Variants in NRXN1 observed in about 807,000 individuals in gnomAD.
NRXN1 encodes the protein neurexin 1.
NRXN1 carries 39 observed loss-of-function variants against 150.9 expected under a neutral mutation model. The observed-to-expected ratio is 0.26, with a 90% CI of 0.20 to 0.34. The LOEUF (loss-of-function observed/expected upper bound fraction) is 0.34. Among genes scored for constraint, NRXN1 ranks in the 10% least tolerant of loss-of-function variants. The probability of loss-of-function intolerance (pLI) is 1.00; values close to 1 mark genes in which losing one functional copy is unlikely to be tolerated. For synonymous variants in NRXN1, 924 were observed against 757.0 expected, an observed-to-expected ratio of 1.22 and a Z score of -3.62; for missense variants, 1,815 against 1,949.9, an observed-to-expected ratio of 0.93 and a Z score of 1.30.
intron 17 of NRXN1, among the ~76,000 whole-genome samples, chr2:50,264,842 T>C (rs1190654895): frequency 6.6e-6 from 1 of 152,108 alleles, no homozygotes; most frequent in Non-Finnish European, 1.5e-5. Context: ...ATGAGTCTCA[T>C]ATCAAGACCA....
intron 18 of NRXN1, among the ~76,000 whole-genome samples, chr2:50,132,731 T>C (rs1705720161): frequency 6.6e-6 from 1 of 152,202 alleles, no homozygotes; most frequent in African/African-American, 2.4e-5. Context: ...ACCTTGACTT[T>C]CTTCCAGTAG....
chr2:50,134,122 C>G (rs373046301), intron 18 of NRXN1, among the ~76,000 whole-genome samples: 10 of 151,950 alleles, frequency 6.6e-5, no homozygotes, highest in Non-Finnish European at 1.3e-4. Context: ...CAAAGGACTT[C>G]AAAGTAGTCC....
chr2:50,538,993 T>G (rs984696362), intron 9 of NRXN1, among the ~76,000 whole-genome samples: 1 of 152,182 alleles, frequency 6.6e-6, no homozygotes, highest in Non-Finnish European at 1.5e-5. Context: ...CAGATTCCCC[T>G]GGGTTAGTGC....
At chr2:50,089,755 C>T (rs1317164823) in intron 19 of NRXN1, among the ~76,000 whole-genome samples, 1 of 151,078 alleles carries the variant, frequency 6.6e-6, no homozygotes, top group Non-Finnish European at 1.5e-5. Flanking sequence ...GCCACTACAT[C>T]CAGTCTGGGC....
intron 8 of NRXN1, among the ~76,000 whole-genome samples, chr2:50,592,587 A>G (rs1236000048): frequency 6.6e-6 from 1 of 152,218 alleles, no homozygotes; most frequent in Non-Finnish European, 1.5e-5. Context: ...TGGCTTAGGG[A>G]GTAAAAAGTG....
At chr2:50,384,784 C>T (rs1475732803) in intron 17 of NRXN1, among the ~76,000 whole-genome samples, 1 of 152,094 alleles carries the variant, frequency 6.6e-6, no homozygotes, top group Non-Finnish European at 1.5e-5. Context: ...CCACATACAA[C>T]CCTGTCTTGC....
chr2:50,610,265 T>G (rs1477880987), intron 8 of NRXN1, among the ~76,000 whole-genome samples: 1 of 152,102 alleles, frequency 6.6e-6, no homozygotes, highest in African/African-American at 2.4e-5. Context: ...TGAAGGTGTT[T>G]TTCTTTTTCT....
chr2:49,971,944 T>C (rs1283967422), intron 21 of NRXN1, among the ~76,000 whole-genome samples: 2 of 152,312 alleles, frequency 1.3e-5, no homozygotes, highest in East Asian at 1.9e-4. Context: ...ATGGAAACTT[T>C]CTTTGGAGAA....
At chr2:50,418,500 C>T (rs148773570) in intron 17 of NRXN1, among the ~76,000 whole-genome samples, 4 of 152,152 alleles carry the variant, frequency 2.6e-5, no homozygotes, top group East Asian at 1.9e-4. Flanking sequence ...AGAAAGGGAG[C>T]GGTGCTTTGT....
intron 5 of NRXN1, among the ~76,000 whole-genome samples, chr2:50,694,357 T>A (rs565499990): frequency 6.6e-6 from 1 of 152,180 alleles, no homozygotes; most frequent in Non-Finnish European, 1.5e-5. Flanking sequence ...TCGGTTTCCC[T>A]CTTAATGTAT....
intron 18 of NRXN1, among the ~76,000 whole-genome samples, chr2:50,126,407 A>C (rs12713086): frequency 0.35 from 52,658 of 151,900 alleles, 9,400 homozygotes; most frequent in Non-Finnish European, 0.37. Flanking sequence ...ATATTGGAAC[A>C]TACTAAATGT....
intron 5 of NRXN1, among the ~76,000 whole-genome samples, chr2:50,783,076 T>C (rs748005312): frequency 2.0e-5 from 3 of 152,158 alleles, no homozygotes; most frequent in Non-Finnish European, 4.4e-5. Flanking sequence ...TTGAGACAGA[T>C]GAATTTTGGA....
intron 21 of NRXN1, among the ~76,000 whole-genome samples, chr2:50,041,656 C>T (rs1349645472): frequency 6.6e-6 from 1 of 152,086 alleles, no homozygotes; most frequent in African/African-American, 2.4e-5. Flanking sequence ...AAGGTAAACT[C>T]CTATGAAGAC....
chr2:50,829,379 C>T (rs1022062101), intron 5 of NRXN1: 8 of 1,072,632 alleles, frequency 7.5e-6, no homozygotes, highest in African/African-American at 6.3e-5. Context: ...CCGCCCGCCT[C>T]GGGCTCCCAA....
intron 5 of NRXN1, among the ~76,000 whole-genome samples, chr2:50,762,944 T>A (rs538514796): frequency 6.6e-6 from 1 of 152,000 alleles, no homozygotes; most frequent in South Asian, 2.1e-4. Flanking sequence ...CTTTAGAGCA[T>A]CTATACAGTT....
rs116079832 is a variant in NRXN1, at chr2:50,116,846, G to A, written c.3547-25352C>T. ...CTTTAACTACTGCCATTGAAAACAGGGTGGTTTTTCTTAAGCATTTCTGAC... is the reference window on the plus strand; with the variant it reads ...CTTTAACTACTGCCATTGAAAACAGAGTGGTTTTTCTTAAGCATTTCTGAC... On this transcript the variant is annotated intron_variant, in intron 18 of 22. Coordinates refer to ENST00000401669, the MANE Select transcript of NRXN1 (RefSeq NM_001330078.2). Among the ~76,000 whole-genome samples the A allele has an allele frequency of 4.8e-3, 723 of 152,192 alleles. 6 individuals carry two copies. Among genetic ancestry groups the A allele is most frequent in the African/African-American group, 0.017 (694 of 41,518 alleles).
chr2:49,922,340 T>A, intron 22 of NRXN1, 89 bp from the exon 23 acceptor site: 1 of 1,265,934 alleles, frequency 7.9e-7, no homozygotes, highest in Non-Finnish European at 1.1e-6. Context: ...TATCTAATTC[T>A]AACAGCACCT....
chr2:50,416,790 G>C (rs2083570627), intron 17 of NRXN1, among the ~76,000 whole-genome samples: 1 of 151,882 alleles, frequency 6.6e-6, no homozygotes, highest in Admixed American at 6.6e-5. Context: ...AGTGGCATGG[G>C]GGTTACCACC....
chr2:50,810,150 C>A (rs1668017979), intron 5 of NRXN1, among the ~76,000 whole-genome samples: 2 of 152,070 alleles, frequency 1.3e-5, no homozygotes, highest in African/African-American at 4.8e-5. Flanking sequence ...CTTTTGAAAT[C>A]ATCTGTTGGC....
Sources: gnomAD v4.1 joint callset for allele counts (sites outside exome capture counted in the v4.1 genomes callset) on GRCh38, gnomAD v4.1.1 for gene constraint, MANE v1.5 for transcripts, NCBI Gene and HGNC (gene_info 2026-07-23, HGNC 2026-07-21) for gene names.